The following PPP1R21 variants were observed in gnomAD, a reference collection of about 807,000 sequenced individuals.
The protein encoded by PPP1R21 is protein phosphatase 1 regulatory subunit 21, also known as KLRAQ motif containing 1.
A neutral mutation model predicts 112.8 loss-of-function variants in PPP1R21; 85 were observed. The observed-to-expected ratio is 0.75, with a 90% CI of 0.63 to 0.90. PPP1R21 has a LOEUF of 0.90. Among genes scored for constraint, PPP1R21 ranks in the 40% least tolerant of loss-of-function variants. PPP1R21 has a pLI of 0.00. For missense variants in PPP1R21, 1,199 were observed against 901.5 expected (o/e 1.33, Z -4.23); for synonymous variants, 381 against 322.3 (o/e 1.18, Z -1.95).
chr2:48,444,025 C>T (rs1221427287), intron 1 of PPP1R21, among the ~76,000 whole-genome samples: 1 of 151,888 alleles, frequency 6.6e-6, no homozygotes, highest in Non-Finnish European at 1.5e-5. Context: ...CATAATCTTT[C>T]CTCTTGAAAA....
In PPP1R21 at chr2:48,514,842, A is replaced by T; in HGVS notation, c.*98A>T. On this transcript the variant is annotated 3_prime_UTR_variant, in exon 22 of 22. Coordinates refer to ENST00000294952, the MANE Select transcript of PPP1R21 (RefSeq NM_001135629.3). ...ACGTCCATGCTGGCTGCCTTCAGGA[A>T]GCTAAAGTATTGTTGGACCTAGTAA... 8.1e-7 allele frequency: 1 copy of T among 1,230,834 alleles called. No individual in the cohort carries two copies. Among genetic ancestry groups the T allele is most frequent in the South Asian group, 1.3e-5 (1 of 78,800 alleles). 76.2% of individuals were successfully genotyped at this position (1,230,834 alleles called of 1,614,324 possible). A position where few individuals can be genotyped will look rare whatever the true frequency, so the allele number is the denominator to read the frequency against.
intron 14 of PPP1R21, among the ~76,000 whole-genome samples, chr2:48,490,170 G>C (rs1316096255): frequency 2.2e-5 from 3 of 139,140 alleles, no homozygotes; most frequent in Non-Finnish European, 4.5e-5. Flanking sequence ...AGTGAGCTGA[G>C]ATTGTGCCAC....
At chr2:48,463,977 GAAATA>G (rs1355355183) in intron 7 of PPP1R21, among the ~76,000 whole-genome samples, 1 of 152,146 alleles carries the variant, frequency 6.6e-6, no homozygotes, top group Non-Finnish European at 1.5e-5. Context: ...GATGCCATGG[GAAATA>G]AAATAGGCAC....
At chr2:48,451,905 C>G (rs1667491857) in intron 2 of PPP1R21, among the ~76,000 whole-genome samples, 2 of 152,114 alleles carry the variant, frequency 1.3e-5, no homozygotes, top group Admixed American at 6.5e-5. Context: ...AGAAATTGTC[C>G]TTTTACGTAG....
At chr2:48,499,392 TC>T (rs1182969879) in intron 17 of PPP1R21, among the ~76,000 whole-genome samples, 1 of 152,190 alleles carries the variant, frequency 6.6e-6, no homozygotes, top group African/African-American at 2.4e-5. Context: ...TTATTATGTT[TC>T]TAACAAAGGA....
chr2:48,444,517 G>A lies in PPP1R21; in HGVS notation c.57+3507G>A, dbSNP rs139638375. Among the ~76,000 whole-genome samples, 4 of 152,206 alleles carry A rather than the reference G, an allele frequency of 2.6e-5. No homozygotes were observed. The East Asian group carries it at 7.7e-4, about 29-fold the overall frequency. ...AAAAGTGCTGAGTTCTGGCTCATTT[G>A]ATTTTAGCCTGCTTTCTTTGCGGGA... On this transcript the variant is annotated intron_variant, in intron 1 of 21. Transcript: ENST00000294952.
intron 14 of PPP1R21, among the ~76,000 whole-genome samples, chr2:48,488,685 G>A (rs1345093065): frequency 6.6e-6 from 1 of 152,058 alleles, no homozygotes; most frequent in Admixed American, 6.6e-5. Context: ...GTCATCTCAA[G>A]GAAAGATATC....
At chr2:48,504,345 A>G (rs919785172) in intron 17 of PPP1R21, among the ~76,000 whole-genome samples, 5 of 152,230 alleles carry the variant, frequency 3.3e-5, no homozygotes, top group Admixed American at 1.3e-4. Context: ...TTTAGAATAC[A>G]TTAAAACTGT....
At chr2:48,450,272 C>T (rs760892056) in intron 1 of PPP1R21, among the ~76,000 whole-genome samples, 1 of 152,174 alleles carries the variant, frequency 6.6e-6, no homozygotes, top group Non-Finnish European at 1.5e-5. Context: ...AGCATTGCTA[C>T]TTAACTTCTC....
intron 3 of PPP1R21, among the ~76,000 whole-genome samples, chr2:48,455,597 G>A (rs947669920): frequency 2.6e-5 from 4 of 152,272 alleles, no homozygotes; most frequent in African/African-American, 4.8e-5. Context: ...TTTAGTGGCC[G>A]AGAAGAGACA....
chr2:48,479,869 A>T, intron 12 of PPP1R21, 55 bp from the exon 13 acceptor site: 3 of 1,046,562 alleles, frequency 2.9e-6, no homozygotes, highest in Non-Finnish European at 3.0e-6. Context: ...AGAGGGATAC[A>T]ATGGGCAGTC....
intron 12 of PPP1R21, 98 bp from the exon 13 acceptor site, chr2:48,479,826 C>A: frequency 1.3e-6 from 1 of 798,322 alleles, no homozygotes; most frequent in Non-Finnish European, 2.2e-6. Flanking sequence ...TAGCACATTA[C>A]AACCAATCTT....
chr2:48,441,656 T>C (rs1411183689), intron 1 of PPP1R21, among the ~76,000 whole-genome samples: 1 of 152,226 alleles, frequency 6.6e-6, no homozygotes, highest in Non-Finnish European at 1.5e-5. Flanking sequence ...TCAATACACA[T>C]TAAGCAACAT....
chr2:48,514,262 A>G (rs1393395062), intron 21 of PPP1R21, among the ~76,000 whole-genome samples: 4 of 151,472 alleles, frequency 2.6e-5, no homozygotes, highest in Non-Finnish European at 5.9e-5. Flanking sequence ...ATTTTTTTGT[A>G]TTTTTAATAG....
chr2:48,513,701 C>A (rs891520937), intron 21 of PPP1R21, among the ~76,000 whole-genome samples: 3 of 152,140 alleles, frequency 2.0e-5, no homozygotes, highest in Non-Finnish European at 4.4e-5. Flanking sequence ...GCATTGGATA[C>A]AAAGTAAACA....
At chr2:48,447,864 C>T (rs939781211) in intron 1 of PPP1R21, among the ~76,000 whole-genome samples, 1 of 151,988 alleles carries the variant, frequency 6.6e-6, no homozygotes, top group Non-Finnish European at 1.5e-5. Context: ...GCAGGAGAAT[C>T]GCTTGAACCC....
At chr2:48,506,017 G>C (rs1330912631) in intron 18 of PPP1R21, among the ~76,000 whole-genome samples, 1 of 152,198 alleles carries the variant, frequency 6.6e-6, no homozygotes. Flanking sequence ...TGCCCACAAA[G>C]CAAGTGAACC....
intron 17 of PPP1R21, among the ~76,000 whole-genome samples, chr2:48,499,503 A>G (rs1255959993): frequency 7.2e-5 from 11 of 152,180 alleles, no homozygotes; most frequent in Admixed American, 7.2e-4. Flanking sequence ...TGGGTGAATC[A>G]CTTGAACCCA....
intron 17 of PPP1R21, among the ~76,000 whole-genome samples, chr2:48,504,683 T>C (rs1670291406): frequency 6.6e-6 from 1 of 152,124 alleles, no homozygotes; most frequent in Admixed American, 6.6e-5. Context: ...GAGTGTAATA[T>C]CTTATTGACA....
Sources: allele counts gnomAD v4.1 joint callset (sites outside exome capture counted in the v4.1 genomes callset), GRCh38; gene constraint gnomAD v4.1.1; transcripts MANE v1.5; gene names NCBI Gene and HGNC (gene_info 2026-07-23, HGNC 2026-07-21).